The following ETV6 variants were observed in gnomAD, a reference collection of about 807,000 sequenced individuals.
ETV6 encodes the protein ETS variant transcription factor 6, also known as transcription factor ETV6.
Under a neutral mutation model 51.1 loss-of-function variants are expected in ETV6, and 16 were observed. That is an observed-to-expected ratio of 0.31 (90% CI 0.21 to 0.48). The LOEUF (loss-of-function observed/expected upper bound fraction) is 0.48, where lower values mean the gene tolerates loss of function less well. Ranked by LOEUF, ETV6 falls within the 20% of genes least tolerant of loss-of-function variation. The pLI is 0.99. For missense variants in ETV6, 458 were observed against 594.8 expected, an observed-to-expected ratio of 0.77 and a Z score of 2.39; for synonymous variants, 240 against 224.1, an observed-to-expected ratio of 1.07 and a Z score of -0.64.
chr12:11,854,409 G>A (rs2710266), intron 4 of ETV6, among the ~76,000 whole-genome samples: 3 of 152,036 alleles, frequency 2.0e-5, no homozygotes, highest in Admixed American at 6.5e-5. Context: ...TGGGGACCCC[G>A]CCTTAGAAAT....
chr12:11,715,246 T>C (rs1865253167), intron 1 of ETV6, among the ~76,000 whole-genome samples: 1 of 152,186 alleles, frequency 6.6e-6, no homozygotes, highest in Non-Finnish European at 1.5e-5. Context: ...GAGTTGAGCA[T>C]TCGTCTTTTC....
At chr12:11,814,741 C>T (rs1486948340) in intron 2 of ETV6, among the ~76,000 whole-genome samples, 2 of 152,172 alleles carry the variant, frequency 1.3e-5, no homozygotes, top group Admixed American at 6.5e-5. Context: ...CAGTATACAA[C>T]GAGGAGGCTT....
At chr12:11,788,755 G>GTTTTTTTT (rs1565526404) in intron 2 of ETV6, among the ~76,000 whole-genome samples, 1 of 96,718 alleles carries the variant, frequency 1.0e-5, no homozygotes, top group Non-Finnish European at 2.3e-5. Flanking sequence ...TGCTTGTATT[G>GTTTTTTTT]GTTTTTTTTT....
intron 5 of ETV6, among the ~76,000 whole-genome samples, chr12:11,872,721 C>A (rs1202290075): frequency 6.6e-6 from 1 of 152,060 alleles, no homozygotes; most frequent in East Asian, 1.9e-4. Context: ...GTCTTGAACT[C>A]CTGACCTCAA....
chr12:11,715,391 T>G (rs2120901382), intron 1 of ETV6, among the ~76,000 whole-genome samples: 2 of 152,328 alleles, frequency 1.3e-5, no homozygotes, highest in East Asian at 1.9e-4. Context: ...CATTACTAGA[T>G]ACATAGTGAG....
At chr12:11,861,020 T>C (rs1247384678) in intron 4 of ETV6, among the ~76,000 whole-genome samples, 1 of 152,212 alleles carries the variant, frequency 6.6e-6, no homozygotes, top group Non-Finnish European at 1.5e-5. Flanking sequence ...CACGGCCTGT[T>C]TGGAAGTAAG....
At chr12:11,754,711 A>T (rs1411550549) in intron 2 of ETV6, among the ~76,000 whole-genome samples, 1 of 152,042 alleles carries the variant, frequency 6.6e-6, no homozygotes, top group South Asian at 2.1e-4. Flanking sequence ...TAACACTTGA[A>T]TTTTTTCTTG....
At chr12:11,857,911 T>TG (rs1438808363) in intron 4 of ETV6, among the ~76,000 whole-genome samples, 1 of 152,230 alleles carries the variant, frequency 6.6e-6, no homozygotes, top group Admixed American at 6.5e-5. Context: ...TGAGTCTTCC[T>TG]GGGTGATATG....
At chr12:11,740,299 C>G (rs1488593924) in intron 1 of ETV6, among the ~76,000 whole-genome samples, 1 of 152,208 alleles carries the variant, frequency 6.6e-6, no homozygotes, top group Non-Finnish European at 1.5e-5. Flanking sequence ...TGTTTCAACC[C>G]TATAAGCTCC....
chr12:11,658,617 A>C (rs1305632989), intron 1 of ETV6, among the ~76,000 whole-genome samples: 2 of 152,202 alleles, frequency 1.3e-5, no homozygotes, highest in Non-Finnish European at 2.9e-5. Flanking sequence ...AGGCCTCCCG[A>C]GTCAGCTGAC....
chr12:11,663,988 T>G (rs1466857111), intron 1 of ETV6, among the ~76,000 whole-genome samples: 2 of 152,242 alleles, frequency 1.3e-5, no homozygotes, highest in Non-Finnish European at 2.9e-5. Context: ...AAGTATTTAA[T>G]AGCTGCTTTA....
At chr12:11,741,072 T>G (rs572304130) in intron 1 of ETV6, among the ~76,000 whole-genome samples, 64 of 152,354 alleles carry the variant, frequency 4.2e-4, no homozygotes, top group Admixed American at 7.2e-4. Flanking sequence ...TCTAGTTGTT[T>G]AGGGTTCTAA....
In ETV6 at chr12:11,869,932, G is replaced by A. The variant is rs920032372; in HGVS notation, c.972G>A (p.Pro324=). ...ACCACATCATGGTCTCTGTCTCCCC[G>A]CCTGAAGAGCACGCCATGCCCATTG... ...YMNHIMVSVS[P]PEEHAMPIGR... is the part of the protein sequence containing the mutation. The change falls in exon 5 of 8, where the codon CCG becomes CCA. Residue 324 remains proline (P), a synonymous_variant. Transcript: ENST00000396373. This position sits in a 1 kb window ranked among gnomAD's most constrained non-coding sequence, Gnocchi z 5.0. 4.3e-6 allele frequency: 7 copies of A among 1,609,776 alleles called. No individual in the cohort carries two copies. The highest frequency in any genetic ancestry group is 2.2e-5 in the East Asian group (1 of 44,876).
intron 1 of ETV6, among the ~76,000 whole-genome samples, chr12:11,673,927 A>G (rs1485273370): frequency 3.9e-5 from 6 of 152,216 alleles, no homozygotes; most frequent in African/African-American, 1.4e-4. Context: ...TGGAATGGCC[A>G]TATTTTGGAA....
intron 1 of ETV6, among the ~76,000 whole-genome samples, chr12:11,668,305 G>A (rs1249697405): frequency 7.2e-6 from 1 of 138,742 alleles, no homozygotes; most frequent in East Asian, 2.1e-4. Context: ...TGTGTGGGAG[G>A]GACACCCTCC....
chr12:11,735,086 C>CTTTTTTT (rs58797937), intron 1 of ETV6, among the ~76,000 whole-genome samples: 1 of 76,240 alleles, frequency 1.3e-5, no homozygotes, highest in African/African-American at 5.6e-5. Context: ...GCAAGGTGGC[C>CTTTTTTT]TTTTTTTTTT....
intron 2 of ETV6, among the ~76,000 whole-genome samples, chr12:11,773,457 A>G (rs1945272455): frequency 6.6e-6 from 1 of 152,186 alleles, no homozygotes; most frequent in Non-Finnish European, 1.5e-5. Context: ...TGGTTTCCTT[A>G]TTGTGAAATT....
At chr12:11,650,802 C>T (rs1052791467) in intron 1 of ETV6, among the ~76,000 whole-genome samples, 1 of 151,998 alleles carries the variant, frequency 6.6e-6, no homozygotes, top group African/African-American at 2.4e-5. Flanking sequence ...TATTTTACTC[C>T]GATCCATATG....
chr12:11,804,572 T>TA (rs1337644000), intron 2 of ETV6, among the ~76,000 whole-genome samples: 1 of 152,268 alleles, frequency 6.6e-6, no homozygotes, highest in Non-Finnish European at 1.5e-5. Context: ...ACTCTCATGT[T>TA]AGAGTCCCTC....
Sources: allele counts gnomAD v4.1 joint callset (sites outside exome capture counted in the v4.1 genomes callset), GRCh38; gene constraint gnomAD v4.1.1; non-coding constraint Gnocchi (gnomAD v3.1); transcripts MANE v1.5; gene names NCBI Gene and HGNC (gene_info 2026-07-23, HGNC 2026-07-21).